Variants in CNTNAP5 observed in about 807,000 individuals in gnomAD.
The protein encoded by CNTNAP5 is contactin associated protein family member 5.
Under a neutral mutation model 150.2 loss-of-function variants are expected in CNTNAP5, and 72 were observed. The observed-to-expected ratio is 0.48, with a 90% CI of 0.40 to 0.58. The LOEUF (loss-of-function observed/expected upper bound fraction) is 0.58, where lower values mean the gene tolerates loss of function less well. Among genes scored for constraint, CNTNAP5 ranks in the 20% least tolerant of loss-of-function variants. CNTNAP5 has a pLI of 0.00. For synonymous variants in CNTNAP5, 672 were observed against 619.8 expected, an observed-to-expected ratio of 1.08 and a Z score of -1.25; for missense variants, 1,636 against 1,626.2, an observed-to-expected ratio of 1.01 and a Z score of -0.10.
intron 3 of CNTNAP5, among the ~76,000 whole-genome samples, chr2:124,391,129 G>A (rs904744423): frequency 1.3e-4 from 20 of 152,068 alleles, no homozygotes; most frequent in African/African-American, 4.8e-4. Flanking sequence ...TCTATGAGAT[G>A]GGTATAATAA....
chr2:124,686,619 A>G (rs13026562), intron 13 of CNTNAP5, among the ~76,000 whole-genome samples: 35,859 of 152,010 alleles, frequency 0.24, 4,732 homozygotes, highest in African/African-American at 0.36. Context: ...TTCCAATCCC[A>G]GCTGCCATCT....
At chr2:124,568,334 C>T (rs1426417164) in intron 11 of CNTNAP5, among the ~76,000 whole-genome samples, 1 of 152,142 alleles carries the variant, frequency 6.6e-6, no homozygotes, top group African/African-American at 2.4e-5. Context: ...AAAGGGAGGT[C>T]TGTCGAAAAC....
chr2:124,769,764 G>A (rs1355790805), intron 16 of CNTNAP5, among the ~76,000 whole-genome samples: 1 of 152,096 alleles, frequency 6.6e-6, no homozygotes, highest in East Asian at 1.9e-4. Context: ...TTTAAAAATT[G>A]AGCCCTGGGA....
intron 3 of CNTNAP5, among the ~76,000 whole-genome samples, chr2:124,336,679 C>T (rs1006569699): frequency 2.6e-5 from 4 of 151,952 alleles, no homozygotes; most frequent in African/African-American, 9.6e-5. Context: ...CCAGCTTCAT[C>T]CATGTCCCTG....
At chr2:124,811,739 G>A (rs990007140) in intron 19 of CNTNAP5, among the ~76,000 whole-genome samples, 2 of 149,686 alleles carry the variant, frequency 1.3e-5, no homozygotes, top group African/African-American at 2.5e-5. Flanking sequence ...TCAGGAGTTC[G>A]AGACCAGCCT....
At position 124,920,727 on chromosome 2, in the gene CNTNAP5, C is replaced by A. The variant is rs1368190633; in HGVS notation, c.*6439C>A. 1.3e-5 allele frequency among the ~76,000 whole-genome samples: 2 copies of A among 152,094 alleles called. No individual in the cohort carries two copies. The highest frequency in any genetic ancestry group is 2.1e-4 in the South Asian group (1 of 4,832). On this transcript the variant is annotated 3_prime_UTR_variant, in exon 24 of 24. Coordinates refer to ENST00000682447, the MANE Select transcript of CNTNAP5 (RefSeq NM_001367498.1). ...TCCAATATAACTTTATTTACAAAAT[C>A]TAATTTAGTTCATAGGTTACGGTTT...
At chr2:124,282,470 G>C (rs1051291124) in intron 3 of CNTNAP5, among the ~76,000 whole-genome samples, 3 of 152,158 alleles carry the variant, frequency 2.0e-5, no homozygotes, top group Non-Finnish European at 4.4e-5. Context: ...TTCACAGCCA[G>C]TCTGTTCTGA....
chr2:124,117,264 C>T (rs985978007), intron 1 of CNTNAP5, among the ~76,000 whole-genome samples: 1 of 152,192 alleles, frequency 6.6e-6, no homozygotes, highest in African/African-American at 2.4e-5. Context: ...ATTTCCTAAT[C>T]CCACTTTTCC....
intron 16 of CNTNAP5, among the ~76,000 whole-genome samples, chr2:124,768,614 C>T (rs953486668): frequency 2.0e-5 from 3 of 152,000 alleles, no homozygotes; most frequent in African/African-American, 4.8e-5. Context: ...TGATTACCAC[C>T]ACACAGTGCA....
At chr2:124,472,161 G>C (rs1433183843) in intron 6 of CNTNAP5, among the ~76,000 whole-genome samples, 2 of 151,988 alleles carry the variant, frequency 1.3e-5, no homozygotes, top group Non-Finnish European at 2.9e-5. Flanking sequence ...GGTTCAATAA[G>C]AGAGAATTTG....
intron 3 of CNTNAP5, among the ~76,000 whole-genome samples, chr2:124,300,984 C>T (rs1688557530): frequency 6.6e-6 from 1 of 152,068 alleles, no homozygotes; most frequent in Non-Finnish European, 1.5e-5. Flanking sequence ...GTACAAAATA[C>T]CACAGTGAAA....
chr2:124,789,854 T>G, intron 17 of CNTNAP5, 48 bp from the exon 18 acceptor site: 4 of 1,573,476 alleles, frequency 2.5e-6, no homozygotes, highest in Non-Finnish European at 3.5e-6. Flanking sequence ...CTAAATGTAT[T>G]GAGCCCTATA....
chr2:124,826,724 G>T (rs1027244865), intron 19 of CNTNAP5, among the ~76,000 whole-genome samples: 1 of 151,938 alleles, frequency 6.6e-6, no homozygotes. Flanking sequence ...AACCCTCTAG[G>T]TGATCCTCCT....
chr2:124,026,904 A>T (rs1247361679), intron 1 of CNTNAP5, among the ~76,000 whole-genome samples: 1 of 152,194 alleles, frequency 6.6e-6, no homozygotes, highest in East Asian at 1.9e-4. Flanking sequence ...TTATCCCCGG[A>T]GTTATGTCTC....
chr2:124,049,352 A>G (rs1681630378), intron 1 of CNTNAP5, among the ~76,000 whole-genome samples: 1 of 152,226 alleles, frequency 6.6e-6, no homozygotes, highest in African/African-American at 2.4e-5. Context: ...CCCAAGAGAC[A>G]TGCAGAGGTG....
chr2:124,390,193 A>G (rs1691074736), intron 3 of CNTNAP5, among the ~76,000 whole-genome samples: 1 of 152,106 alleles, frequency 6.6e-6, no homozygotes, highest in Admixed American at 6.5e-5. Context: ...ATAATCCAAC[A>G]GCTGACAGTC....
intron 3 of CNTNAP5, among the ~76,000 whole-genome samples, chr2:124,382,371 A>G (rs1257430239): frequency 6.6e-6 from 1 of 152,150 alleles, no homozygotes; most frequent in African/African-American, 2.4e-5. Flanking sequence ...GGTGAGGAAG[A>G]AATATTGGAG....
intron 11 of CNTNAP5, among the ~76,000 whole-genome samples, chr2:124,583,174 C>T (rs1195410094): frequency 6.6e-6 from 1 of 152,178 alleles, no homozygotes; most frequent in Non-Finnish European, 1.5e-5. Context: ...ACGACCTACA[C>T]TCTTCCATTG....
chr2:124,634,712 C>T (rs1206105058), intron 12 of CNTNAP5, among the ~76,000 whole-genome samples: 3 of 152,054 alleles, frequency 2.0e-5, no homozygotes, highest in Non-Finnish European at 4.4e-5. Context: ...CCATGTTGCT[C>T]AGGCTGGTCT....
Sources: gnomAD v4.1 joint callset for allele counts (sites outside exome capture counted in the v4.1 genomes callset) on GRCh38, gnomAD v4.1.1 for gene constraint, MANE v1.5 for transcripts, NCBI Gene and HGNC (gene_info 2026-07-23, HGNC 2026-07-21) for gene names.